The following STK24 variants were observed in gnomAD, a reference collection of about 807,000 sequenced individuals.
STK24 encodes the protein serine/threonine kinase 24, also known as serine/threonine-protein kinase 24.
Under a neutral mutation model 55.6 loss-of-function variants are expected in STK24, and 21 were observed. The observed-to-expected ratio is 0.38, with a 90% confidence interval of 0.27 to 0.54. The LOEUF is 0.54. Among genes scored for constraint, STK24 ranks in the 20% least tolerant of loss-of-function variants. The pLI is 0.79. For missense variants in STK24, 383 were observed against 538.4 expected (o/e 0.71, Z 2.86); for synonymous variants, 200 against 215.2 (o/e 0.93, Z 0.62).
chr13:98,487,458 C>T (rs1894851212), intron 2 of STK24, among the ~76,000 whole-genome samples: 1 of 152,184 alleles, frequency 6.6e-6, no homozygotes, highest in South Asian at 2.1e-4. Context: ...AAAGTATATA[C>T]AGTGAGAAGT....
At chr13:98,459,413 G>A (rs1285517496) in intron 9 of STK24, among the ~76,000 whole-genome samples, 1 of 152,246 alleles carries the variant, frequency 6.6e-6, no homozygotes, top group African/African-American at 2.4e-5. Context: ...ACCGGGCCCT[G>A]AACTTGCCAG....
chr13:98,469,018 G>T (rs116760077), intron 5 of STK24, among the ~76,000 whole-genome samples: 1,589 of 152,380 alleles, frequency 0.01, 36 homozygotes, highest in African/African-American at 0.037. Flanking sequence ...GATCTCTGCT[G>T]AGAGTACGTC....
At chr13:98,474,124 G>A (rs577528662) in intron 5 of STK24, among the ~76,000 whole-genome samples, 213 of 152,252 alleles carry the variant, frequency 1.4e-3, no homozygotes, top group African/African-American at 4.4e-3. Flanking sequence ...GCAAAGTCCC[G>A]GGATTTTTTG....
intron 1 of STK24, among the ~76,000 whole-genome samples, chr13:98,560,422 A>C (rs2139449880): frequency 6.6e-6 from 1 of 152,358 alleles, no homozygotes; most frequent in Admixed American, 6.5e-5. Flanking sequence ...CATTCAGAGC[A>C]GTAATTTTAA....
chr13:98,474,300 C>T (rs1311159474), intron 5 of STK24, among the ~76,000 whole-genome samples: 1 of 152,150 alleles, frequency 6.6e-6, no homozygotes, highest in Non-Finnish European at 1.5e-5. Context: ...ATCCTCAGAA[C>T]TAAAAATAAT....
intron 1 of STK24, among the ~76,000 whole-genome samples, chr13:98,576,421 G>A (rs1029808843): frequency 1.3e-5 from 2 of 152,100 alleles, no homozygotes; most frequent in Non-Finnish European, 2.9e-5. Flanking sequence ...CTTCTCCCGG[G>A]GACAGGGCCA....
At chr13:98,521,272 T>C (rs895121907) in intron 1 of STK24, among the ~76,000 whole-genome samples, 9 of 146,198 alleles carry the variant, frequency 6.2e-5, no homozygotes, top group African/African-American at 2.3e-4. Flanking sequence ...GAGAGGCATT[T>C]AATTTTTTTC....
chr13:98,534,110 G>A (rs1896649668), intron 1 of STK24, among the ~76,000 whole-genome samples: 1 of 152,222 alleles, frequency 6.6e-6, no homozygotes, highest in African/African-American at 2.4e-5. Context: ...AGGCAGCCGA[G>A]GAGGCAAGGC....
intron 1 of STK24, among the ~76,000 whole-genome samples, chr13:98,536,907 T>C (rs1340747695): frequency 7.1e-6 from 1 of 140,352 alleles, no homozygotes; most frequent in Non-Finnish European, 1.6e-5. Context: ...CCTCCGCCTG[T>C]CCTCCAGTCG....
At chr13:98,514,802 T>A (rs1474485842) in intron 2 of STK24, among the ~76,000 whole-genome samples, 1 of 152,212 alleles carries the variant, frequency 6.6e-6, no homozygotes, top group Non-Finnish European at 1.5e-5. Flanking sequence ...ATGCTAACAA[T>A]CTATTTTAAG....
In STK24 at chr13:98,450,412, C is replaced by T. The variant is rs1418096652; in HGVS notation, c.*2761G>A. ...GCTACATACAGAACCAAACCAGCCACTTCACAAGAGCAATGCAGGGATAAA... is the reference window on the plus strand; with the variant it reads ...GCTACATACAGAACCAAACCAGCCATTTCACAAGAGCAATGCAGGGATAAA... On this transcript the variant is annotated 3_prime_UTR_variant, in exon 11 of 11. Transcript: ENST00000539966. 1 of 151,992 alleles carries T rather than the reference C, an allele frequency of 6.6e-6. No individual in the cohort carries two copies. The highest frequency in any genetic ancestry group is 2.4e-5 in the African/African-American group (1 of 41,438). 9.4% of individuals were successfully genotyped at this position (151,992 alleles called of 1,614,324 possible). A position where few individuals can be genotyped will look rare whatever the true frequency, so the allele number is the denominator to read the frequency against.
Position 98,446,238 on chromosome 13 carries a change from G to A in STK24, c.*6935C>T. ...TCTCGCACAGGGCAGGTGGCCCTGG[G>A]ACCTTGGGGGTGGCAGCATGAGGTG... On this transcript the variant is annotated 3_prime_UTR_variant, in exon 11 of 11. Coordinates refer to ENST00000539966, the MANE Select transcript of STK24 (RefSeq NM_001032296.4). The A allele has an allele frequency of 6.9e-7, 1 of 1,459,468 alleles. No homozygotes were observed. Among genetic ancestry groups the A allele is most frequent in the Non-Finnish European group, 9.6e-7 (1 of 1,042,582 alleles). 90.4% of individuals were successfully genotyped at this position (1,459,468 alleles called of 1,614,324 possible). A position where few individuals can be genotyped will look rare whatever the true frequency, so the allele number is the denominator to read the frequency against.
At chr13:98,456,599 T>C in intron 10 of STK24, 1 of 476,784 alleles carries the variant, frequency 2.1e-6, no homozygotes, top group Non-Finnish European at 4.3e-6. Context: ...GGCAAAACTG[T>C]CACCCCACTG....
intron 7 of STK24, among the ~76,000 whole-genome samples, chr13:98,462,692 C>T (rs959080011): frequency 6.6e-6 from 1 of 152,146 alleles, no homozygotes; most frequent in Non-Finnish European, 1.5e-5. Flanking sequence ...GCTTCACCTG[C>T]CCAGCTTTCT....
At chr13:98,560,069 A>G (rs1897380196) in intron 1 of STK24, among the ~76,000 whole-genome samples, 1 of 152,242 alleles carries the variant, frequency 6.6e-6, no homozygotes. Context: ...TCCGAAAACC[A>G]GCAGTTTTTC....
chr13:98,491,353 C>T (rs988231405), intron 2 of STK24, among the ~76,000 whole-genome samples: 2 of 152,212 alleles, frequency 1.3e-5, no homozygotes, highest in Non-Finnish European at 2.9e-5. Flanking sequence ...CCAGGCTTCG[C>T]TCTTCCAGAG....
At chr13:98,555,766 C>T (rs1168330397) in intron 1 of STK24, among the ~76,000 whole-genome samples, 7 of 145,492 alleles carry the variant, frequency 4.8e-5, no homozygotes, top group Non-Finnish European at 1.1e-4. Context: ...CTGCAAGCTC[C>T]GCCTCCTGGG....
intron 1 of STK24, among the ~76,000 whole-genome samples, chr13:98,565,567 G>C (rs531509940): frequency 6.6e-6 from 1 of 151,588 alleles, no homozygotes; most frequent in South Asian, 2.1e-4. Flanking sequence ...GGGAGGCAGA[G>C]GTTGCAGTGA....
Position 98,448,434 on chromosome 13 carries a change from C to T in STK24, c.*4739G>A. The T allele has an allele frequency of 1.2e-6, 1 of 840,708 alleles. No homozygotes were observed. Among genetic ancestry groups the T allele is most frequent in the Admixed American group, 2.0e-5 (1 of 50,096 alleles). The allele number at this position is 840,708 out of a possible 1,614,324, so 52.1% of individuals were successfully genotyped here. A position where few individuals can be genotyped will look rare whatever the true frequency, so the allele number is the denominator to read the frequency against. The stretch of plus-strand genomic sequence containing the variant: ...TCTGAAAATCAAAAACATGGCTTCC[C>T]AGCAGCTCTCCTGTCTCCACAGCCG... On this transcript the variant is annotated 3_prime_UTR_variant, in exon 11 of 11. Transcript: ENST00000539966.
Sources: allele counts gnomAD v4.1 joint callset (sites outside exome capture counted in the v4.1 genomes callset), GRCh38; gene constraint gnomAD v4.1.1; transcripts MANE v1.5; gene names NCBI Gene and HGNC (gene_info 2026-07-23, HGNC 2026-07-21).